OXSR1: variants seen among roughly 807,000 people sequenced by gnomAD.
OXSR1 encodes serine/threonine-protein kinase OSR1.
A neutral mutation model predicts 79.8 loss-of-function variants in OXSR1; 24 were observed. The ratio of observed to expected loss-of-function variants is 0.30; its 90% CI spans 0.22 to 0.42. The LOEUF (loss-of-function observed/expected upper bound fraction) is 0.42. Among genes scored for constraint, OXSR1 ranks in the 10% least tolerant of loss-of-function variants. The probability of loss-of-function intolerance (pLI) is 1.00; values close to 1 mark genes in which losing one functional copy is unlikely to be tolerated. For synonymous variants in OXSR1, 226 were observed against 209.2 expected (o/e 1.08, Z -0.69); for missense variants, 430 against 618.4 (o/e 0.70, Z 3.23).
chr3:38,197,054 T>C (rs1331097892), intron 3 of OXSR1, among the ~76,000 whole-genome samples: 31 of 152,250 alleles, frequency 2.0e-4, no homozygotes, highest in Admixed American at 2.0e-3. Flanking sequence ...TCCTGAACGG[T>C]GAAACATGTG....
At position 38,239,121 on chromosome 3, in the gene OXSR1, C is replaced by T. The variant is rs1702976510; in HGVS notation, c.1074+2160C>T. ...AGTAGTCTAGAAGTTTAATTTTTTT[C>T]CCATCTTCTATGTCTCTACTTAACT... On this transcript the variant is annotated intron_variant, in intron 11 of 17. Transcript: ENST00000311806. Among the ~76,000 whole-genome samples the T allele has an allele frequency of 1.3e-5, 2 of 152,022 alleles. 1 individual carries two copies. The highest frequency in any genetic ancestry group is 4.1e-4 in the South Asian group (2 of 4,824).
At chr3:38,178,616 ATATAT>A (rs1487268755) in intron 1 of OXSR1, among the ~76,000 whole-genome samples, 5 of 88,030 alleles carry the variant, frequency 5.7e-5, no homozygotes, top group African/African-American at 2.8e-4. Flanking sequence ...ATATATATAT[ATATAT>A]TTTTTTTTTT....
upstream of OXSR1, chr3:38,165,066 A>G (rs969972018): frequency 6.6e-6 from 1 of 152,264 alleles, no homozygotes; most frequent in African/African-American, 2.4e-5. Flanking sequence ...AAGTGGTAAG[A>G]CGAGCGCGGT....
chr3:38,198,677 T>C (rs1194776681), intron 3 of OXSR1, 45 bp from the exon 4 acceptor site: 1 of 1,476,796 alleles, frequency 6.8e-7, no homozygotes, highest in African/African-American at 1.4e-5. Flanking sequence ...TGAATTATAT[T>C]GAATGATTTA....
At chr3:38,212,434 C>T (rs1457162703) in intron 4 of OXSR1, among the ~76,000 whole-genome samples, 2 of 152,160 alleles carry the variant, frequency 1.3e-5, no homozygotes, top group Non-Finnish European at 2.9e-5. Context: ...AGACTTTTCT[C>T]TCTGTATCTA....
chr3:38,240,081 A>T (rs775091658), intron 11 of OXSR1, among the ~76,000 whole-genome samples: 1 of 152,222 alleles, frequency 6.6e-6, no homozygotes. Context: ...GTCTACAATT[A>T]TATTTTAAGT....
At chr3:38,189,775 G>A (rs1701949490) in intron 2 of OXSR1, among the ~76,000 whole-genome samples, 1 of 152,176 alleles carries the variant, frequency 6.6e-6, no homozygotes, top group African/African-American at 2.4e-5. Context: ...GTTTTGTGGG[G>A]GATGTCAAAA....
At chr3:38,169,418 G>A (rs1029947696) in intron 1 of OXSR1, among the ~76,000 whole-genome samples, 4 of 151,946 alleles carry the variant, frequency 2.6e-5, no homozygotes, top group Non-Finnish European at 5.9e-5. Context: ...CAACTCTCCT[G>A]CCTCAGCCTC....
intron 1 of OXSR1, among the ~76,000 whole-genome samples, chr3:38,178,507 C>T (rs941038785): frequency 2.0e-5 from 3 of 150,392 alleles, no homozygotes; most frequent in Admixed American, 6.6e-5. Flanking sequence ...GGGGTGGTCT[C>T]GGCTCACTAC....
chr3:38,251,309 C>A, intron 15 of OXSR1, 94 bp from the exon 16 acceptor site: 1 of 990,632 alleles, frequency 1.0e-6, no homozygotes, highest in Non-Finnish European at 1.6e-6. Flanking sequence ...CCAGCTTGGG[C>A]CTAGCATGGC....
rs1259957574 is a variant in OXSR1 at position 38,212,115 on chromosome 3, T to C, written c.435-3981T>C. ...GAATGAGGCCTTGGCATTGGGACTT[T>C]TAAAAGTTCCCTGGGTAATTCTAAT... On this transcript the variant is annotated intron_variant, in intron 4 of 17. Coordinates refer to ENST00000311806, the MANE Select transcript of OXSR1 (RefSeq NM_005109.3). Among the ~76,000 whole-genome samples the C allele has an allele frequency of 2.6e-5, 4 of 152,198 alleles. No homozygotes were observed. In the East Asian group the frequency reaches 5.8e-4, roughly 22 times the overall value.
intron 3 of OXSR1, among the ~76,000 whole-genome samples, chr3:38,196,797 T>G (rs549595750): frequency 6.6e-6 from 1 of 152,382 alleles, no homozygotes; most frequent in South Asian, 2.1e-4. Flanking sequence ...CATGTATATC[T>G]TGCCATATTT....
At chr3:38,235,570 A>T (rs1347159788) in intron 10 of OXSR1, among the ~76,000 whole-genome samples, 3 of 152,200 alleles carry the variant, frequency 2.0e-5, no homozygotes, top group Admixed American at 2.0e-4. Context: ...AGCACAATTA[A>T]TGAAAATAGA....
In OXSR1 at chr3:38,179,902, G is replaced by A. The variant is rs144424502; in HGVS notation, c.71-3101G>A. Among the ~76,000 whole-genome samples the A allele has an allele frequency of 7.1e-3, 1,074 of 152,022 alleles. 17 individuals are homozygous for A. Among genetic ancestry groups the A allele is most frequent in the African/African-American group, 0.025 (1,030 of 41,446 alleles). On this transcript the variant is annotated intron_variant, in intron 1 of 17. Transcript: ENST00000311806. Reference sequence around the variant, plus strand: ...CAGCTCACTGTAACCTCCACCTTCCGGGTTCAAGTGATTCTCCTGCTTCAC... The same window carrying A: ...CAGCTCACTGTAACCTCCACCTTCCAGGTTCAAGTGATTCTCCTGCTTCAC...
At position 38,198,787 on chromosome 3, in the gene OXSR1, G is replaced by C; in HGVS notation, c.358G>C (p.Glu120Gln). 4 of 1,612,972 alleles carry C rather than the reference G, an allele frequency of 2.5e-6. No individual in the cohort carries two copies. Among genetic ancestry groups the C allele is most frequent in the Non-Finnish European group, 3.4e-6 (4 of 1,179,058 alleles). Residue 120 changes from glutamate to glutamine, a missense_variant, in exon 4 of 18, where the codon GAA (glutamate) becomes CAA (glutamine). This residue lies in a region of OXSR1 where 145 missense variants were observed against 228.3 expected (regional missense o/e 0.64). Transcript: ENST00000311806. Reference protein sequence around the residue: ...KGEHKSGVLDESTIATILREV... With the variant: ...KGEHKSGVLDQSTIATILREV... ...GGAACACAAAAGTGGAGTCCTAGAT[G>C]AATCTACCATTGCTACGATACTCCG...
chr3:38,249,946 C>T lies in OXSR1; in HGVS notation c.1323-20C>T, dbSNP rs781198344. ...TAAATTTAGAAATTCTTATTTTATG[C>T]ATTCTGCTTTCTTTCATAGGAATTC... is the stretch of plus-strand genomic sequence containing the variant. On this transcript the variant is annotated intron_variant, in intron 14 of 17. Transcript: ENST00000311806. 7.1e-7 allele frequency: 1 copy of T among 1,399,228 alleles called. No homozygotes were observed. Among genetic ancestry groups the T allele is most frequent in the Non-Finnish European group, 1.0e-6 (1 of 992,558 alleles). 86.7% of individuals were successfully genotyped at this position (1,399,228 alleles called of 1,614,324 possible).
Position 38,246,321 on chromosome 3 carries a change from G to C in OXSR1, c.1257+100G>C, listed in dbSNP as rs1033971889. The C allele has an allele frequency of 1.1e-5, 12 of 1,133,634 alleles. No homozygotes were observed. The South Asian group carries it at 2.1e-4, about 20-fold the overall frequency. 70.2% of individuals were successfully genotyped at this position (1,133,634 alleles called of 1,614,324 possible). ...CCTAATGTAATCAGGTTAATGTCTT[G>C]GTAGATTTTGAAACAAGTTAGAAAT... On this transcript the variant is annotated intron_variant, in intron 13 of 17. Transcript: ENST00000311806.
chr3:38,210,691 G>A (rs934984007), intron 4 of OXSR1, among the ~76,000 whole-genome samples: 11 of 152,106 alleles, frequency 7.2e-5, no homozygotes, highest in African/African-American at 2.7e-4. Flanking sequence ...CTGCTGCTGG[G>A]CATCTGCTCC....
intron 11 of OXSR1, among the ~76,000 whole-genome samples, chr3:38,240,923 G>C (rs1703019280): frequency 6.6e-6 from 1 of 152,210 alleles, no homozygotes; most frequent in Non-Finnish European, 1.5e-5. Context: ...GTGCTGACCA[G>C]TAAATATGGA....
Sources: allele counts gnomAD v4.1 joint callset (sites outside exome capture counted in the v4.1 genomes callset), GRCh38; gene constraint gnomAD v4.1.1; regional missense constraint gnomAD v4.1.1; transcripts MANE v1.5; gene names NCBI Gene and HGNC (gene_info 2026-07-23, HGNC 2026-07-21).